SUGCT: variants seen among roughly 807,000 people sequenced by gnomAD.
The protein encoded by SUGCT is succinyl-CoA:glutarate-CoA transferase.
A neutral mutation model predicts 55.0 loss-of-function variants in SUGCT; 41 were observed. The observed-to-expected ratio is 0.74, with a 90% CI of 0.58 to 0.97. The LOEUF (loss-of-function observed/expected upper bound fraction) is 0.97. Ranked by LOEUF, SUGCT falls within the 50% of genes least tolerant of loss-of-function variation. SUGCT has a pLI of 0.00. For missense variants in SUGCT, 568 were observed against 547.8 expected (o/e 1.04, Z -0.37); for synonymous variants, 187 against 200.4 (o/e 0.93, Z 0.56).
the SUGCT span, among the ~76,000 whole-genome samples, chr7:40,883,975 C>A: frequency 6.6e-6 from 1 of 152,144 alleles, no homozygotes; most frequent in African/African-American, 2.4e-5. Flanking sequence ...TGCCAAGTTT[C>A]TTCCAGAAAG....
intron 12 of SUGCT, among the ~76,000 whole-genome samples, chr7:40,738,399 CT>C (rs1214964059): frequency 2.0e-5 from 3 of 151,918 alleles, no homozygotes; most frequent in African/African-American, 7.3e-5. Context: ...ATGCAGTAAA[CT>C]TTTCAGTTAA....
chr7:40,971,054 C>A, the SUGCT span, among the ~76,000 whole-genome samples: 38,311 of 151,886 alleles, frequency 0.25, 6,458 homozygotes, highest in African/African-American at 0.48. Flanking sequence ...TTTTTCAAAA[C>A]AGAGGTTTAA....
At chr7:40,805,326 C>A (rs1289614723) in intron 13 of SUGCT, among the ~76,000 whole-genome samples, 6 of 151,964 alleles carry the variant, frequency 3.9e-5, no homozygotes. Context: ...CTTATGCATA[C>A]CACCCCAGCC....
intron 12 of SUGCT, among the ~76,000 whole-genome samples, chr7:40,735,742 G>C (rs1042791633): frequency 6.6e-6 from 1 of 152,092 alleles, no homozygotes; most frequent in African/African-American, 2.4e-5. Flanking sequence ...TTTAAAACCT[G>C]TCATTGAAGA....
At chr7:40,452,249 C>A (rs184430108) in intron 10 of SUGCT, among the ~76,000 whole-genome samples, 2 of 152,286 alleles carry the variant, frequency 1.3e-5, no homozygotes, top group Admixed American at 6.5e-5. Flanking sequence ...TACCATGATA[C>A]AGCAAAGTAT....
At chr7:40,188,433 CCAAA>C in intron 3 of SUGCT, 58 bp from the exon 4 acceptor site, 1 of 851,568 alleles carries the variant, frequency 1.2e-6, no homozygotes, top group Non-Finnish European at 1.6e-6. Flanking sequence ...GACTCCATCT[CCAAA>C]AAAAAAAAAA....
chr7:40,310,045 T>C (rs981556284), intron 8 of SUGCT, among the ~76,000 whole-genome samples: 1 of 152,156 alleles, frequency 6.6e-6, no homozygotes, highest in African/African-American at 2.4e-5. Flanking sequence ...CCCTTAAGTA[T>C]AGGCTTATGT....
intron 9 of SUGCT, among the ~76,000 whole-genome samples, chr7:40,368,975 G>A (rs1465071030): frequency 6.6e-6 from 1 of 152,050 alleles, no homozygotes; most frequent in Non-Finnish European, 1.5e-5. Context: ...ATGGTGGCGG[G>A]TGCCTGTAAT....
chr7:40,444,946 T>G (rs1788730902), intron 9 of SUGCT, among the ~76,000 whole-genome samples: 2 of 152,328 alleles, frequency 1.3e-5, no homozygotes, highest in Admixed American at 6.5e-5. Context: ...GCTGTTGAAT[T>G]TTGTCGAAAG....
At chr7:40,432,454 G>A (rs1363299213) in intron 9 of SUGCT, among the ~76,000 whole-genome samples, 3 of 152,164 alleles carry the variant, frequency 2.0e-5, no homozygotes, top group Admixed American at 1.3e-4. Flanking sequence ...TTGGGAGGCC[G>A]AGGTGGGCAG....
intron 8 of SUGCT, among the ~76,000 whole-genome samples, chr7:40,295,277 C>T (rs1349108224): frequency 1.3e-5 from 2 of 151,912 alleles, no homozygotes; most frequent in East Asian, 1.9e-4. Context: ...AAAAAAATTA[C>T]ATTTAAAGAA....
At chr7:40,372,935 A>G (rs1357077154) in intron 9 of SUGCT, among the ~76,000 whole-genome samples, 1 of 152,076 alleles carries the variant, frequency 6.6e-6, no homozygotes, top group Non-Finnish European at 1.5e-5. Context: ...CATGAAAAGG[A>G]AATTGTAAGA....
chr7:40,421,359 C>T (rs1375175627), intron 9 of SUGCT, among the ~76,000 whole-genome samples: 1 of 152,122 alleles, frequency 6.6e-6, no homozygotes, highest in Non-Finnish European at 1.5e-5. Flanking sequence ...CAATACCCCA[C>T]CTCTTGCCTC....
intron 12 of SUGCT, among the ~76,000 whole-genome samples, chr7:40,641,332 C>T (rs1363708746): frequency 1.3e-5 from 2 of 152,090 alleles, no homozygotes; most frequent in African/African-American, 4.8e-5. Context: ...CCTTTTGGAA[C>T]ATTATCGAAA....
chr7:40,565,995 A>ACG (rs1554369015), intron 12 of SUGCT, among the ~76,000 whole-genome samples: 10 of 45,574 alleles, frequency 2.2e-4, no homozygotes, highest in African/African-American at 3.0e-4. Flanking sequence ...ACACACACGC[A>ACG]CACACACACA....
At chr7:40,797,404 T>C (rs1405876602) in intron 13 of SUGCT, among the ~76,000 whole-genome samples, 1 of 152,194 alleles carries the variant, frequency 6.6e-6, no homozygotes, top group Non-Finnish European at 1.5e-5. Flanking sequence ...ACTGTTTTTC[T>C]ATATTCTGAA....
chr7:40,303,602 G>A lies in SUGCT; in HGVS notation c.721-13158G>A, dbSNP rs10242659. 2.9e-3 allele frequency among the ~76,000 whole-genome samples: 444 copies of A among 152,156 alleles called. 2 individuals carry two copies. Among genetic ancestry groups the A allele is most frequent in the African/African-American group, 0.01 (416 of 41,522 alleles). Reference sequence around the variant, plus strand: ...AGGTTCAAGGGATCCTCCTGCCTCAGCCTCCTGAGTAGATGGGATTACAGG... The same window carrying A: ...AGGTTCAAGGGATCCTCCTGCCTCAACCTCCTGAGTAGATGGGATTACAGG... On this transcript the variant is annotated intron_variant, in intron 8 of 13. Transcript: ENST00000335693.
chr7:40,933,506 T>G, the SUGCT span, among the ~76,000 whole-genome samples: 2 of 152,228 alleles, frequency 1.3e-5, no homozygotes, highest in Non-Finnish European at 2.9e-5. Context: ...GAAGTTCTCC[T>G]GGATAATATC....
At chr7:40,893,434 G>T in the SUGCT span, among the ~76,000 whole-genome samples, 1 of 152,094 alleles carries the variant, frequency 6.6e-6, no homozygotes, top group Admixed American at 6.5e-5. Flanking sequence ...AAAGGATAAG[G>T]TAGGCCATGA....
Sources: gnomAD v4.1 joint callset for allele counts (sites outside exome capture counted in the v4.1 genomes callset) on GRCh38, gnomAD v4.1.1 for gene constraint, MANE v1.5 for transcripts, NCBI Gene and HGNC (gene_info 2026-07-23, HGNC 2026-07-21) for gene names.